WNT7B: variants seen among roughly 807,000 people sequenced by gnomAD.
WNT7B encodes protein Wnt-7b.
A neutral mutation model predicts 38.2 loss-of-function variants in WNT7B; 19 were observed. That is an observed-to-expected ratio of 0.50 (90% CI 0.35 to 0.73). The LOEUF (loss-of-function observed/expected upper bound fraction) is 0.73. WNT7B is among the 30% of genes least tolerant of loss of function. WNT7B has a pLI of 0.01. For synonymous variants in WNT7B, 243 were observed against 209.3 expected (o/e 1.16, Z -1.39); for missense variants, 423 against 507.9 (o/e 0.83, Z 1.61).
Position 45,950,015 on chromosome 22 carries a change from A to T in WNT7B, c.203T>A (p.Met68Lys), listed in dbSNP as rs781325480. Residue 68 changes from methionine to lysine, a missense_variant, in exon 2 of 4, where the codon ATG becomes AAG. Around this residue, in one of 3 missense-constraint regions of WNT7B, gnomAD observed 133 missense variants for 179.8 expected, o/e 0.74. Transcript: ENST00000339464. ...AIIVIGEGAQ[M>K]GINECQYQFR... is the part of the protein sequence containing the mutation. ...CTGGTACTGGCACTCGTTGATGCCC[A>T]TCTGCGCCCCCTCCCCAATCACAAT... The T allele has an allele frequency of 6.2e-7, 1 of 1,613,980 alleles. No individual in the cohort carries two copies. Among genetic ancestry groups the T allele is most frequent in the South Asian group, 1.1e-5 (1 of 91,090 alleles).
At chr22:45,955,146 T>A (rs28532344) in intron 1 of WNT7B, among the ~76,000 whole-genome samples, 27,927 of 152,220 alleles carry the variant, frequency 0.18, 2,789 homozygotes, top group Middle Eastern at 0.27. Flanking sequence ...GCGGCTCCCA[T>A]GCAGCTGCCA....
At chr22:45,973,157 T>C (rs1252201216) in intron 1 of WNT7B, among the ~76,000 whole-genome samples, 2 of 152,252 alleles carry the variant, frequency 1.3e-5, no homozygotes, top group African/African-American at 4.8e-5. Flanking sequence ...TTCCCCATCC[T>C]GCTTCTTTTG....
intron 3 of WNT7B, among the ~76,000 whole-genome samples, chr22:45,930,728 G>A (rs138455616): frequency 1.3e-5 from 2 of 152,318 alleles, no homozygotes; most frequent in African/African-American, 2.4e-5. Flanking sequence ...CTGGTGTGCC[G>A]AGGTGACCTC....
At chr22:45,959,048 T>C (rs950747114) in intron 1 of WNT7B, among the ~76,000 whole-genome samples, 1 of 152,212 alleles carries the variant, frequency 6.6e-6, no homozygotes, top group Admixed American at 6.5e-5. Context: ...CCCCACGATA[T>C]GCTGGGCCTG....
intron 3 of WNT7B, among the ~76,000 whole-genome samples, chr22:45,929,839 T>TCCTC (rs1931264232): frequency 3.4e-4 from 45 of 132,626 alleles, no homozygotes; most frequent in African/African-American, 1.1e-3. Flanking sequence ...CACTCTTCTA[T>TCCTC]ACATCCACCC....
chr22:45,960,141 C>T (rs776600574), intron 1 of WNT7B, among the ~76,000 whole-genome samples: 5 of 152,202 alleles, frequency 3.3e-5, no homozygotes, highest in Non-Finnish European at 7.4e-5. Context: ...TGAGCCACCT[C>T]CCAGCCCCAG....
intron 2 of WNT7B, among the ~76,000 whole-genome samples, chr22:45,938,519 A>G (rs1304259381): frequency 6.6e-6 from 1 of 152,008 alleles, no homozygotes; most frequent in East Asian, 1.9e-4. Context: ...CGCCTGTAAT[A>G]CCAGCTACTT....
chr22:45,946,054 A>T (rs1272031322), intron 2 of WNT7B, among the ~76,000 whole-genome samples: 7 of 134,020 alleles, frequency 5.2e-5, no homozygotes, highest in Non-Finnish European at 9.8e-5. Flanking sequence ...GTCCTGGGGG[A>T]CTCTGGGCTC....
chr22:45,941,099 G>A (rs571244118), intron 2 of WNT7B, among the ~76,000 whole-genome samples: 8 of 152,204 alleles, frequency 5.3e-5, no homozygotes, highest in Non-Finnish European at 1.0e-4. Context: ...AAGGGTTTGG[G>A]TAAGAAATGC....
rs992836692 is a variant in WNT7B at position 45,966,200 on chromosome 22, T to A, written c.71+10484A>T. Among the ~76,000 whole-genome samples, 11 of 152,206 alleles carry A rather than the reference T, an allele frequency of 7.2e-5. No homozygotes were observed. Among genetic ancestry groups the A allele is most frequent in the African/African-American group, 2.7e-4 (11 of 41,436 alleles). On this transcript the variant is annotated intron_variant, in intron 1 of 3. Transcript: ENST00000339464. The surrounding 1 kb of genome is among the most constrained non-coding windows in gnomAD (Gnocchi z 4.2). ...TGAGTCCTCCAGAAGTGGGAATGCC[T>A]CATCCTGTGTCCCCCAGGCGGGGGT...
In WNT7B at chr22:45,966,938, ATGCCTCCGGGGCTGGAGAACTCAC is replaced by A. The variant is rs901653724; in HGVS notation, c.71+9722_71+9745del. Among the ~76,000 whole-genome samples the A allele has an allele frequency of 3.0e-5, 4 of 135,212 alleles. No individual in the cohort carries two copies. Among genetic ancestry groups the A allele is most frequent in the Non-Finnish European group, 6.6e-5 (4 of 60,252 alleles). The allele number at this position is 135,212 out of a possible 152,430, so 88.7% of individuals were successfully genotyped here. On this transcript the variant is annotated intron_variant, in intron 1 of 3. Coordinates refer to ENST00000339464, the MANE Select transcript of WNT7B (RefSeq NM_058238.3). This position sits in a 1 kb window ranked among gnomAD's most constrained non-coding sequence, Gnocchi z 4.2. ...GGCCCTCACTCCTGCATCTGCTTGTATGCCTCCGGGGCTGGAGAACTCACTGCCTCTCTGCCAACAGTGGAGCTG... is the reference window on the plus strand; with the variant it reads ...GGCCCTCACTCCTGCATCTGCTTGTATGCCTCTCTGCCAACAGTGGAGCTG...
intron 2 of WNT7B, among the ~76,000 whole-genome samples, chr22:45,948,444 C>G (rs1408653632): frequency 1.3e-5 from 2 of 152,244 alleles, no homozygotes; most frequent in African/African-American, 2.4e-5. Context: ...TGCGCCACCC[C>G]CAGCCCCACA....
chr22:45,949,998 G>C lies in WNT7B; in HGVS notation c.220C>G (p.Gln74Glu), dbSNP rs779980330. Residue 74 changes from glutamine to glutamate, a missense_variant, in exon 2 of 4, where the codon CAG becomes GAG. Gln to Glu is a conservative substitution (Grantham distance 29). This residue lies in a region of WNT7B where 133 missense variants were observed against 179.8 expected (regional missense o/e 0.74). Coordinates refer to ENST00000339464, the MANE Select transcript of WNT7B (RefSeq NM_058238.3). ...CAGCGTCCGAAGCGGAACTGGTACTGGCACTCGTTGATGCCCATCTGCGCC... is the reference window on the plus strand; with the variant it reads ...CAGCGTCCGAAGCGGAACTGGTACTCGCACTCGTTGATGCCCATCTGCGCC... ...EGAQMGINEC[Q>E]YQFRFGRWNC... is the part of the protein sequence containing the mutation. 4.3e-6 allele frequency: 7 copies of C among 1,613,844 alleles called. No individual in the cohort carries two copies. Among genetic ancestry groups the C allele is most frequent in the Admixed American group, 3.3e-5 (2 of 60,012 alleles).
rs1240852435 is a variant in WNT7B, at chr22:45,976,037, G to T, written c.71+647C>A. On this transcript the variant is annotated intron_variant, in intron 1 of 3. Transcript: ENST00000339464. The surrounding 1 kb of genome is among the most constrained non-coding windows in gnomAD (Gnocchi z 8.5). The stretch of plus-strand genomic sequence containing the variant: ...GGCCGCGCCAGGGGGAGCGCGGCGA[G>T]AGGGGGCCGGGCCCAGGGCCCAGGG... 1.4e-5 allele frequency: 2 copies of T among 145,698 alleles called. No individual in the cohort carries two copies. Among genetic ancestry groups the T allele is most frequent in the African/African-American group, 4.9e-5 (2 of 40,588 alleles). 9.0% of individuals were successfully genotyped at this position (145,698 alleles called of 1,614,324 possible).
intron 3 of WNT7B, chr22:45,925,535 C>T (rs1242309190): frequency 7.1e-6 from 7 of 985,202 alleles, no homozygotes; most frequent in Admixed American, 1.2e-4. Flanking sequence ...CGTGTCTGGG[C>T]GACCCCCAGA....
In WNT7B at chr22:45,976,870, GGCTCGGGCGGCCGGCGAC is replaced by G. The variant is rs1932563415; in HGVS notation, c.-134_-117del. The G allele has an allele frequency of 5.8e-6, 6 of 1,033,340 alleles. No homozygotes were observed. The highest frequency in any genetic ancestry group is 7.0e-6 in the Non-Finnish European group (6 of 855,810). 64.0% of individuals were successfully genotyped at this position (1,033,340 alleles called of 1,614,324 possible). ...GCAGACTGCGCTCAGCCCGCGCTGC[GGCTCGGGCGGCCGGCGAC>G]GCGCGGGCACTCGGCGCGCGCTGCC... On this transcript the variant is annotated 5_prime_UTR_variant, in exon 1 of 4. Coordinates refer to ENST00000339464, the MANE Select transcript of WNT7B (RefSeq NM_058238.3). The surrounding 1 kb of genome is among the most constrained non-coding windows in gnomAD (Gnocchi z 8.5).
chr22:45,973,297 G>A (rs1242282075), intron 1 of WNT7B, among the ~76,000 whole-genome samples: 5 of 152,170 alleles, frequency 3.3e-5, no homozygotes, highest in East Asian at 1.9e-4. Flanking sequence ...ACCTCCTGTC[G>A]TTAGCCAATT....
In WNT7B at chr22:45,931,230, G is replaced by C. The variant is rs377072544; in HGVS notation, c.438C>G (p.Gly146=). The change falls in exon 3 of 4, where the codon GGC becomes GGG. Residue 146 remains glycine, a synonymous_variant. Coordinates refer to ENST00000339464, the MANE Select transcript of WNT7B (RefSeq NM_058238.3). The part of the protein sequence containing the change: ...EKQGYYNQAE[G]WKWGGCSADV... ...CGGCCGAGCAGCCGCCCCACTTCCA[G>C]CCCTCGGCTTGGTTGTAGTAGCCCT... 3 of 1,599,290 alleles carry C rather than the reference G, an allele frequency of 1.9e-6. No individual in the cohort carries two copies. Among genetic ancestry groups the C allele is most frequent in the Non-Finnish European group, 2.5e-6 (3 of 1,179,860 alleles).
rs530920261 is a variant in WNT7B at position 45,932,558 on chromosome 22, C to T, written c.299-1189G>A. 3.3e-5 allele frequency among the ~76,000 whole-genome samples: 5 copies of T among 152,306 alleles called. No individual in the cohort carries two copies. In the South Asian group the frequency reaches 1.0e-3, roughly 32 times the overall value. ...AGACCCGAGATGGGCAGGTTCAGCTCTCATTTCCTCTTTGTTTCCCCCATC... is the reference window on the plus strand; with the variant it reads ...AGACCCGAGATGGGCAGGTTCAGCTTTCATTTCCTCTTTGTTTCCCCCATC... On this transcript the variant is annotated intron_variant, in intron 2 of 3. Transcript: ENST00000339464.
Sources: allele counts gnomAD v4.1 joint callset (sites outside exome capture counted in the v4.1 genomes callset), GRCh38; gene constraint gnomAD v4.1.1; regional missense constraint gnomAD v4.1.1; non-coding constraint Gnocchi (gnomAD v3.1); transcripts MANE v1.5; gene names NCBI Gene and HGNC (gene_info 2026-07-23, HGNC 2026-07-21).